The following PHF20 variants were observed in gnomAD, a reference collection of about 807,000 sequenced individuals.
PHF20 encodes the protein PHD finger protein 20.
A neutral mutation model predicts 113.5 loss-of-function variants in PHF20; 23 were observed. The ratio of observed to expected loss-of-function variants is 0.20; its 90% CI spans 0.15 to 0.29. The LOEUF (loss-of-function observed/expected upper bound fraction) is 0.29. Ranked by LOEUF, PHF20 falls within the 10% of genes least tolerant of loss-of-function variation. The probability of loss-of-function intolerance (pLI) is 1.00; values close to 1 mark genes in which losing one functional copy is unlikely to be tolerated. For missense variants in PHF20, 943 were observed against 1,219.6 expected (o/e 0.77, Z 3.38); for synonymous variants, 434 against 457.3 (o/e 0.95, Z 0.65).
intron 4 of PHF20, 46 bp downstream of exon 4, chr20:35,847,480 T>TGG (rs761284031): frequency 3.5e-6 from 4 of 1,156,914 alleles, no homozygotes; most frequent in Admixed American, 1.8e-5. Context: ...ACTTAGGTGG[T>TGG]GGGGGGGGAT....
chr20:35,838,317 A>G (rs2042476875), intron 2 of PHF20: 1 of 152,222 alleles, frequency 6.6e-6, no homozygotes, highest in Non-Finnish European at 1.5e-5. Flanking sequence ...CCAAAAGGAT[A>G]TACAGCAAAT....
At chr20:35,837,106 G>A (rs2042456064) in intron 2 of PHF20, among the ~76,000 whole-genome samples, 1 of 152,136 alleles carries the variant, frequency 6.6e-6, no homozygotes. Flanking sequence ...CTGGTAGGTT[G>A]AGGCTGCAGT....
intron 10 of PHF20, among the ~76,000 whole-genome samples, chr20:35,910,739 C>T (rs2055284157): frequency 6.6e-6 from 1 of 152,012 alleles, no homozygotes; most frequent in Non-Finnish European, 1.5e-5. Context: ...AGCGATTCTC[C>T]TGCCTCAGCC....
intron 1 of PHF20, among the ~76,000 whole-genome samples, chr20:35,790,637 G>A (rs147950563): frequency 9.9e-4 from 150 of 152,256 alleles, no homozygotes; most frequent in African/African-American, 3.3e-3. Flanking sequence ...AAAGTGGTGG[G>A]GCTGAGGTCC....
At chr20:35,935,844 A>G (rs2147122321) in intron 15 of PHF20, among the ~76,000 whole-genome samples, 1 of 152,354 alleles carries the variant, frequency 6.6e-6, no homozygotes, top group Non-Finnish European at 1.5e-5. Flanking sequence ...ATGTCTCTGT[A>G]TTCATGGATG....
chr20:35,800,488 A>G (rs1053266534), intron 1 of PHF20, among the ~76,000 whole-genome samples: 1 of 152,148 alleles, frequency 6.6e-6, no homozygotes, highest in Admixed American at 6.6e-5. Context: ...AGTATAAACA[A>G]TTCTGGGCGC....
At chr20:35,943,585 A>G (rs1027864795) in intron 17 of PHF20, among the ~76,000 whole-genome samples, 1 of 149,908 alleles carries the variant, frequency 6.7e-6, no homozygotes, top group Non-Finnish European at 1.5e-5. Flanking sequence ...TTATTTAATT[A>G]TTTATGTAGT....
intron 9 of PHF20, among the ~76,000 whole-genome samples, chr20:35,897,165 C>A (rs1427329457): frequency 6.6e-6 from 1 of 152,070 alleles, no homozygotes; most frequent in Non-Finnish European, 1.5e-5. Context: ...TTCTGGGTAG[C>A]TGGGACTATA....
intron 9 of PHF20, among the ~76,000 whole-genome samples, chr20:35,880,812 TAGTC>T (rs2054615484): frequency 1.3e-5 from 2 of 151,714 alleles, no homozygotes; most frequent in Non-Finnish European, 2.9e-5. Context: ...ATAAAAAAAT[TAGTC>T]AGGCGTGATG....
At chr20:35,892,132 A>G (rs2054882143) in intron 9 of PHF20, among the ~76,000 whole-genome samples, 1 of 149,624 alleles carries the variant, frequency 6.7e-6, no homozygotes, top group African/African-American at 2.5e-5. Flanking sequence ...ATATTGGTTC[A>G]CTGCAACCTT....
intron 9 of PHF20, among the ~76,000 whole-genome samples, chr20:35,895,324 A>G (rs926949287): frequency 6.6e-5 from 10 of 151,556 alleles, no homozygotes; most frequent in Non-Finnish European, 1.5e-4. Context: ...GTGCCCCGCT[A>G]ATTTTTGTAT....
chr20:35,913,284 T>A lies in PHF20; in HGVS notation c.1597T>A (p.Phe533Ile). Residue 533 changes from phenylalanine (F) to isoleucine (I), a missense_variant, in exon 11 of 18, where the codon TTC becomes ATC. Coordinates refer to ENST00000374012, the MANE Select transcript of PHF20 (RefSeq NM_016436.5). The part of the protein sequence containing the change: ...KDKEKNKEKK[F>I]KEFVRVKPKK... Reference sequence around the variant, plus strand: ...CAAGGAAAAGAATAAAGAGAAGAAATTCAAGGAGTTTGTGAGAGTGAAGCC... The same window carrying A: ...CAAGGAAAAGAATAAAGAGAAGAAAATCAAGGAGTTTGTGAGAGTGAAGCC... 6.2e-7 allele frequency: 1 copy of A among 1,602,388 alleles called. No homozygotes were observed. The highest frequency in any genetic ancestry group is 1.1e-5 in the South Asian group (1 of 89,262).
intron 13 of PHF20, among the ~76,000 whole-genome samples, chr20:35,918,782 A>C (rs6121087): frequency 0.011 from 1,707 of 152,324 alleles, 22 homozygotes; most frequent in African/African-American, 0.038. Flanking sequence ...TAGAGCTTAC[A>C]GATTATCGAC....
At position 35,949,464 on chromosome 20, in the gene PHF20, A is replaced by G. The variant is rs943968989; in HGVS notation, c.*1837A>G. 6.5e-5 allele frequency: 10 copies of G among 152,802 alleles called. No individual in the cohort carries two copies. Among genetic ancestry groups the G allele is most frequent in the Non-Finnish European group, 1.0e-4 (7 of 68,036 alleles). 9.5% of individuals were successfully genotyped at this position (152,802 alleles called of 1,614,324 possible). ...TGTAACTTTTAAGGTAGTCAATTTC[A>G]TGTCTTGTTCAACGATGTAAGCAGA... On this transcript the variant is annotated 3_prime_UTR_variant, in exon 18 of 18. Coordinates refer to ENST00000374012, the MANE Select transcript of PHF20 (RefSeq NM_016436.5).
In PHF20 at chr20:35,917,326, G is replaced by A. The variant is rs146209152; in HGVS notation, c.1826-158G>A. The A allele has an allele frequency of 6.9e-4, 514 of 743,618 alleles. 4 individuals are homozygous for A. In the African/African-American group the frequency reaches 8.0e-3, roughly 12 times the overall value. The allele number at this position is 743,618 out of a possible 1,614,324, so 46.1% of individuals were successfully genotyped here. A position where few individuals can be genotyped will look rare whatever the true frequency, so the allele number is the denominator to read the frequency against. ...TGCTTCGTTTGGGCTGTTACTAAAT[G>A]ACAGATCCAAGGACAGATTGGCATC... On this transcript the variant is annotated intron_variant, in intron 12 of 17. Transcript: ENST00000374012.
intron 10 of PHF20, among the ~76,000 whole-genome samples, chr20:35,911,663 G>T (rs2055306302): frequency 6.6e-6 from 1 of 151,926 alleles, no homozygotes; most frequent in Non-Finnish European, 1.5e-5. Flanking sequence ...GGATTTTTTT[G>T]TTTGTTTGTT....
intron 9 of PHF20, among the ~76,000 whole-genome samples, chr20:35,873,454 G>C (rs1444978425): frequency 1.5e-5 from 2 of 132,572 alleles, no homozygotes; most frequent in Non-Finnish European, 3.2e-5. Flanking sequence ...GCTGTGTTTT[G>C]TCTGTTTTTT....
At chr20:35,775,375 C>T (rs1229020099) in intron 1 of PHF20, among the ~76,000 whole-genome samples, 1 of 152,084 alleles carries the variant, frequency 6.6e-6, no homozygotes, top group East Asian at 1.9e-4. Flanking sequence ...TTTATCCAGA[C>T]ACACATCCCT....
intron 9 of PHF20, among the ~76,000 whole-genome samples, chr20:35,874,610 A>G (rs1292271332): frequency 6.6e-6 from 1 of 152,154 alleles, no homozygotes; most frequent in Non-Finnish European, 1.5e-5. Context: ...CAGTCACTTG[A>G]GTAGCTGGGA....
Sources: gnomAD v4.1 joint callset for allele counts (sites outside exome capture counted in the v4.1 genomes callset) on GRCh38, gnomAD v4.1.1 for gene constraint, MANE v1.5 for transcripts, NCBI Gene and HGNC (gene_info 2026-07-23, HGNC 2026-07-21) for gene names.